Variants in XIRP2 observed in about 807,000 individuals in gnomAD.
XIRP2 encodes xin actin-binding repeat-containing protein 2.
A neutral mutation model predicts 277.0 loss-of-function variants in XIRP2; 236 were observed. The observed-to-expected ratio is 0.85, with a 90% CI of 0.77 to 0.95. The LOEUF (loss-of-function observed/expected upper bound fraction) is 0.95. Ranked by LOEUF, XIRP2 falls within the 40% of genes least tolerant of loss-of-function variation. The pLI, the probability that XIRP2 is intolerant of heterozygous loss-of-function variation, is 0.00. For missense variants in XIRP2, 4,640 were observed against 4,157.5 expected, an observed-to-expected ratio of 1.12 and a Z score of -3.19; for synonymous variants, 1,490 against 1,416.5, an observed-to-expected ratio of 1.05 and a Z score of -1.17.
intron 2 of XIRP2, among the ~76,000 whole-genome samples, chr2:167,070,233 A>G (rs79700018): frequency 0.027 from 4,155 of 152,108 alleles, 65 homozygotes; most frequent in East Asian, 0.058. Context: ...GATCCCTCCA[A>G]TGTCTCTTAG....
At chr2:167,157,540 CCATTT>C in intron 3 of XIRP2, among the ~76,000 whole-genome samples, 1 of 152,062 alleles carries the variant, frequency 6.6e-6, no homozygotes, top group East Asian at 1.9e-4. Flanking sequence ...CCCTTTTTCT[CCATTT>C]ATTCTAGAAC....
At chr2:166,995,918 C>T (rs1163702550) in intron 2 of XIRP2, among the ~76,000 whole-genome samples, 2 of 152,134 alleles carry the variant, frequency 1.3e-5, no homozygotes, top group Non-Finnish European at 2.9e-5. Flanking sequence ...CTTTCACCAG[C>T]CTCATTTGAA....
At position 167,243,868 on chromosome 2, in the gene XIRP2, G is replaced by T. The variant is rs368288888; in HGVS notation, c.2476G>T (p.Val826Phe). Reference protein sequence around the residue: ...PLEKIKESEEVIIEKEKIIGT... With the variant: ...PLEKIKESEEFIIEKEKIIGT... ...GGAGAAAATCAAAGAGTCAGAAGAG[G>T]TCATCATTGAAAAGGAAAAAATAAT... is the stretch of plus-strand genomic sequence containing the variant. Residue 826 changes from valine to phenylalanine, a missense_variant, in exon 9 of 11, where the codon GTC becomes TTC. Physicochemically the swap from Val to Phe is conservative, Grantham distance 50 (BLOSUM62 -1). Coordinates refer to ENST00000409195, the MANE Select transcript of XIRP2 (RefSeq NM_152381.6). The T allele has an allele frequency of 2.3e-5, 37 of 1,613,790 alleles. No individual in the cohort carries two copies. In the African/African-American group the frequency reaches 4.4e-4, roughly 19 times the overall value.
chr2:166,975,930 CAAAAAAAAAAAAAAA>C (rs550529718), intron 2 of XIRP2, among the ~76,000 whole-genome samples: 8 of 45,704 alleles, frequency 1.8e-4, no homozygotes, highest in Admixed American at 1.0e-3. Context: ...GACTCCGTCT[CAAAAAAAAAAAAAAA>C]AAAAAAAAAA....
intron 2 of XIRP2, among the ~76,000 whole-genome samples, chr2:166,980,137 T>C (rs567301536): frequency 3.3e-5 from 5 of 152,300 alleles, no homozygotes; most frequent in Non-Finnish European, 2.9e-5. Flanking sequence ...AGAGTTTTTA[T>C]TGAATTTCCA....
chr2:166,923,434 G>T (rs1373654755), intron 2 of XIRP2, among the ~76,000 whole-genome samples: 1 of 151,992 alleles, frequency 6.6e-6, no homozygotes, highest in Non-Finnish European at 1.5e-5. Context: ...TCCAATTTCA[G>T]TATGGACATT....
chr2:167,155,520 T>G (rs369364604), intron 3 of XIRP2, among the ~76,000 whole-genome samples: 122 of 152,066 alleles, frequency 8.0e-4, no homozygotes, highest in African/African-American at 2.4e-3. Context: ...AATAGATGCA[T>G]AAAAGGCCTT....
At chr2:167,028,113 T>TAA (rs1208774387) in intron 2 of XIRP2, among the ~76,000 whole-genome samples, 2 of 152,102 alleles carry the variant, frequency 1.3e-5, no homozygotes, top group Non-Finnish European at 1.5e-5. Flanking sequence ...CAAGTAATCT[T>TAA]ATTTAAAATA....
At chr2:166,999,193 G>A (rs1431791901) in intron 2 of XIRP2, among the ~76,000 whole-genome samples, 2 of 152,084 alleles carry the variant, frequency 1.3e-5, no homozygotes, top group Admixed American at 6.6e-5. Flanking sequence ...TGCCAAGAAA[G>A]AGCAGTTTAA....
chr2:167,088,193 C>G (rs1228244921), intron 2 of XIRP2, among the ~76,000 whole-genome samples: 1 of 152,060 alleles, frequency 6.6e-6, no homozygotes, highest in Non-Finnish European at 1.5e-5. Context: ...TCATCTGGGA[C>G]TTGGTCTGCA....
intron 3 of XIRP2, among the ~76,000 whole-genome samples, chr2:167,204,699 A>G (rs913172460): frequency 2.6e-5 from 4 of 152,190 alleles, no homozygotes; most frequent in African/African-American, 9.6e-5. Flanking sequence ...GAAGTTCTTT[A>G]TCCATTATTC....
intron 2 of XIRP2, among the ~76,000 whole-genome samples, chr2:167,131,525 G>A (rs1183942322): frequency 6.6e-6 from 1 of 152,132 alleles, no homozygotes; most frequent in Admixed American, 6.5e-5. Flanking sequence ...TTCCAAGGAA[G>A]CAATTTTGCT....
chr2:167,190,769 C>G (rs1693306030), intron 3 of XIRP2, among the ~76,000 whole-genome samples: 1 of 152,058 alleles, frequency 6.6e-6, no homozygotes, highest in Non-Finnish European at 1.5e-5. Flanking sequence ...TTTTTCACAA[C>G]AATGACAATG....
intron 3 of XIRP2, among the ~76,000 whole-genome samples, chr2:167,159,846 CT>C (rs1692311311): frequency 6.6e-6 from 1 of 152,096 alleles, no homozygotes; most frequent in South Asian, 2.1e-4. Flanking sequence ...TTAGTTACAT[CT>C]TTCATTAAGA....
chr2:167,178,834 T>A (rs1427353897), intron 3 of XIRP2, among the ~76,000 whole-genome samples: 1 of 152,204 alleles, frequency 6.6e-6, no homozygotes, highest in South Asian at 2.1e-4. Context: ...CTAAGGCCCA[T>A]GGATGTTTTG....
In XIRP2 at chr2:167,259,048, C is replaced by T. The variant is rs771878515; in HGVS notation, c.*1231C>T. 3.1e-6 allele frequency: 5 copies of T among 1,610,348 alleles called. No individual in the cohort carries two copies. The South Asian group carries it at 4.4e-5, about 14-fold the overall frequency. The stretch of plus-strand genomic sequence containing the variant: ...GCCATTCAAAGAGCAAAAATTTACA[C>T]TTTTTCTTTTCTAACACCGTGAAAA... On this transcript the variant is annotated 3_prime_UTR_variant, in exon 11 of 11. Coordinates refer to ENST00000409195, the MANE Select transcript of XIRP2 (RefSeq NM_152381.6).
intron 3 of XIRP2, among the ~76,000 whole-genome samples, chr2:167,147,444 G>A (rs1367169558): frequency 1.3e-5 from 2 of 152,160 alleles, no homozygotes; most frequent in Admixed American, 6.5e-5. Context: ...TGTGATTTAT[G>A]ATGGGGGCCT....
chr2:167,127,725 T>A (rs186344997), intron 2 of XIRP2, among the ~76,000 whole-genome samples: 1 of 152,326 alleles, frequency 6.6e-6, no homozygotes, highest in East Asian at 1.9e-4. Flanking sequence ...AAACTCAACA[T>A]GTCAAAAACT....
At chr2:166,998,425 C>A (rs1687281010) in intron 2 of XIRP2, among the ~76,000 whole-genome samples, 1 of 152,034 alleles carries the variant, frequency 6.6e-6, no homozygotes, top group East Asian at 1.9e-4. Context: ...ATCGCAAGGT[C>A]AGGAGATCGA....
Sources: allele counts gnomAD v4.1 joint callset (sites outside exome capture counted in the v4.1 genomes callset), GRCh38; gene constraint gnomAD v4.1.1; transcripts MANE v1.5; gene names NCBI Gene and HGNC (gene_info 2026-07-23, HGNC 2026-07-21).